The following LEMD3 variants were observed in gnomAD, a reference collection of about 807,000 sequenced individuals.
The protein encoded by LEMD3 is LEM domain containing 3, also known as inner nuclear membrane protein Man1.
Under a neutral mutation model 95.2 loss-of-function variants are expected in LEMD3, and 33 were observed. That is an observed-to-expected ratio of 0.35 (90% CI 0.26 to 0.46). The LOEUF is 0.46. LEMD3 is among the 20% of genes least tolerant of loss of function. The pLI is 1.00. For missense variants in LEMD3, 1,210 were observed against 1,192.8 expected (o/e 1.01, Z -0.21); for synonymous variants, 525 against 474.6 (o/e 1.11, Z -1.38).
chr12:65,196,816 C>T (rs1210516306), intron 1 of LEMD3, among the ~76,000 whole-genome samples: 1 of 152,130 alleles, frequency 6.6e-6, no homozygotes, highest in Non-Finnish European at 1.5e-5. Flanking sequence ...GCCTGTTACT[C>T]ATTGCTCCTG....
At chr12:65,192,302 T>C (rs986695513) in intron 1 of LEMD3, among the ~76,000 whole-genome samples, 1 of 152,176 alleles carries the variant, frequency 6.6e-6, no homozygotes, top group African/African-American at 2.4e-5. Flanking sequence ...TGACCATACA[T>C]AAAATTCCTT....
intron 1 of LEMD3, among the ~76,000 whole-genome samples, chr12:65,210,587 A>G (rs1303165880): frequency 2.6e-5 from 4 of 152,150 alleles, no homozygotes; most frequent in Admixed American, 2.6e-4. Flanking sequence ...ACTCCTTTAA[A>G]GAAGAAACTA....
chr12:65,239,141 G>GTT lies in LEMD3; in HGVS notation c.1921+329_1921+330dup, dbSNP rs994318129. ...TTTTTAAATAATAAAGTGTTATAAA[G>GTT]TTTATTAAAATTTAGTTTTTAAAAT... On this transcript the variant is annotated intron_variant, in intron 6 of 12. Transcript: ENST00000308330. Among the ~76,000 whole-genome samples the GTT allele has an allele frequency of 5.7e-4, 87 of 152,072 alleles. 1 individual carries two copies. Among genetic ancestry groups the GTT allele is most frequent in the African/African-American group, 2.0e-3 (82 of 41,504 alleles).
chr12:65,204,135 T>G (rs897728554), intron 1 of LEMD3, among the ~76,000 whole-genome samples: 7 of 152,164 alleles, frequency 4.6e-5, no homozygotes, highest in African/African-American at 1.7e-4. Flanking sequence ...TCAGACTTAA[T>G]GTCATCAATA....
intron 2 of LEMD3, among the ~76,000 whole-genome samples, chr12:65,215,629 C>T (rs1306026631): frequency 6.6e-6 from 1 of 152,110 alleles, no homozygotes; most frequent in Non-Finnish European, 1.5e-5. Flanking sequence ...ATGAAGAAAA[C>T]AGTCTCATAT....
intron 4 of LEMD3, among the ~76,000 whole-genome samples, chr12:65,231,007 T>G (rs1870609716): frequency 6.8e-6 from 1 of 147,582 alleles, no homozygotes. Context: ...CTTTAGAAGA[T>G]TTTTTTATCT....
At chr12:65,241,108 A>G in intron 9 of LEMD3, 21 bp downstream of exon 9, 1 of 1,600,736 alleles carries the variant, frequency 6.2e-7, no homozygotes, top group Non-Finnish European at 8.6e-7. Flanking sequence ...TTAAACATCA[A>G]AAAAGTAATT....
intron 4 of LEMD3, among the ~76,000 whole-genome samples, chr12:65,233,732 T>C (rs951732878): frequency 6.6e-6 from 1 of 152,176 alleles, no homozygotes; most frequent in Admixed American, 6.6e-5. Flanking sequence ...CCTTTTTCCC[T>C]TCTTACTAAC....
At position 65,183,909 on chromosome 12, in the gene LEMD3, A is replaced by G. The variant is rs554271132; in HGVS notation, c.1522+12791A>G. On this transcript the variant is annotated intron_variant, in intron 1 of 12. Transcript: ENST00000308330. ...TCCCATTCATTAAACTGCTTTCTAC[A>G]ATTCTTTAAACATGTAGAATGGAGA... Among the ~76,000 whole-genome samples, 13 of 152,288 alleles carry G rather than the reference A, an allele frequency of 8.5e-5. No individual in the cohort carries two copies. In the East Asian group the frequency reaches 2.1e-3, roughly 25 times the overall value.
chr12:65,188,634 T>C (rs771087761), intron 1 of LEMD3, among the ~76,000 whole-genome samples: 1 of 151,264 alleles, frequency 6.6e-6, no homozygotes, highest in Non-Finnish European at 1.5e-5. Flanking sequence ...CCTCCTTACT[T>C]GCTTTAACAA....
intron 4 of LEMD3, among the ~76,000 whole-genome samples, chr12:65,222,150 G>A (rs996233214): frequency 6.6e-6 from 1 of 151,998 alleles, no homozygotes; most frequent in Non-Finnish European, 1.5e-5. Flanking sequence ...TTTATTGAAT[G>A]GTTTTATCAT....
chr12:65,196,677 G>A (rs951770901), intron 1 of LEMD3, among the ~76,000 whole-genome samples: 27 of 150,766 alleles, frequency 1.8e-4, no homozygotes, highest in African/African-American at 5.9e-4. Flanking sequence ...AGTGTGGATC[G>A]GAAATGCTCA....
chr12:65,247,596 T>G lies in LEMD3; in HGVS notation c.*1271T>G, dbSNP rs977894115. 6.6e-6 allele frequency: 1 copy of G among 152,258 alleles called. No homozygotes were observed. The highest frequency in any genetic ancestry group is 1.5e-5 in the Non-Finnish European group (1 of 68,014). The allele number at this position is 152,258 out of a possible 1,614,324, so 9.4% of individuals were successfully genotyped here. On this transcript the variant is annotated 3_prime_UTR_variant, in exon 13 of 13. Coordinates refer to ENST00000308330, the MANE Select transcript of LEMD3 (RefSeq NM_014319.5). ...AGTAAATTTTACTTGTAATCTACAA[T>G]TGGCTTTTTAAAAATAACCTGTTGA...
At chr12:65,178,661 T>C (rs1405647729) in intron 1 of LEMD3, among the ~76,000 whole-genome samples, 6 of 152,210 alleles carry the variant, frequency 3.9e-5, no homozygotes, top group African/African-American at 1.2e-4. Flanking sequence ...TAAACAATTA[T>C]TATTTAATCC....
chr12:65,177,118 T>A (rs1304603008), intron 1 of LEMD3, among the ~76,000 whole-genome samples: 1 of 152,216 alleles, frequency 6.6e-6, no homozygotes, highest in African/African-American at 2.4e-5. Flanking sequence ...TCTTACATGA[T>A]CAAAAGTTCT....
chr12:65,229,265 TACC>T (rs1356503706), intron 4 of LEMD3, among the ~76,000 whole-genome samples: 4 of 152,354 alleles, frequency 2.6e-5, no homozygotes, highest in Admixed American at 1.3e-4. Flanking sequence ...ATTGTATATA[TACC>T]ACATTTTCTT....
At chr12:65,207,195 G>C (rs995386307) in intron 1 of LEMD3, among the ~76,000 whole-genome samples, 4 of 152,084 alleles carry the variant, frequency 2.6e-5, no homozygotes, top group Non-Finnish European at 5.9e-5. Flanking sequence ...TTTATTCAAC[G>C]GAGAGGGTTG....
chr12:65,218,744 G>T, intron 4 of LEMD3, 125 bp downstream of exon 4: 1 of 545,274 alleles, frequency 1.8e-6, no homozygotes, highest in Non-Finnish European at 3.3e-6. Flanking sequence ...CTGCTGTTTG[G>T]TATAATATGA....
At chr12:65,218,783 CTTTTTTTTT>C (rs10676847) in intron 4 of LEMD3, among the ~76,000 whole-genome samples, 164 bp downstream of exon 4, 2 of 123,084 alleles carry the variant, frequency 1.6e-5, no homozygotes, top group African/African-American at 6.2e-5. Flanking sequence ...AATTGTTCAA[CTTTTTTTTT>C]TTTTTTTTTT....
Sources: gnomAD v4.1 joint callset for allele counts (sites outside exome capture counted in the v4.1 genomes callset) on GRCh38, gnomAD v4.1.1 for gene constraint, MANE v1.5 for transcripts, NCBI Gene and HGNC (gene_info 2026-07-23, HGNC 2026-07-21) for gene names.